GREB1L: variants seen among roughly 807,000 people sequenced by gnomAD.
GREB1L encodes the protein GREB1 like retinoic acid receptor coactivator, also known as GREB1-like protein.
In GREB1L, 17 loss-of-function variants were observed where a neutral mutation model predicts 200.8. The observed-to-expected ratio is 0.08, with a 90% confidence interval of 0.06 to 0.13. The LOEUF is 0.13. Among genes scored for constraint, GREB1L ranks in the 10% least tolerant of loss-of-function variants. GREB1L has a pLI of 1.00. For missense variants in GREB1L, 1,657 were observed against 2,367.7 expected, an observed-to-expected ratio of 0.70 and a Z score of 6.23; for synonymous variants, 789 against 893.0, an observed-to-expected ratio of 0.88 and a Z score of 2.08.
intron 1 of GREB1L, among the ~76,000 whole-genome samples, chr18:21,266,217 G>A (rs183587120): frequency 6.0e-4 from 92 of 152,172 alleles, no homozygotes; most frequent in Non-Finnish European, 1.0e-3. Flanking sequence ...AGCTGGTTAC[G>A]GTATCAAAAG....
intron 31 of GREB1L, among the ~76,000 whole-genome samples, chr18:21,518,714 A>G (rs2037510099): frequency 6.6e-6 from 1 of 152,186 alleles, no homozygotes; most frequent in African/African-American, 2.4e-5. Context: ...GAACAAATAA[A>G]TGTGTATCAC....
chr18:21,374,868 T>TC (rs1177818503), intron 2 of GREB1L, among the ~76,000 whole-genome samples: 1 of 149,994 alleles, frequency 6.7e-6, no homozygotes, highest in Non-Finnish European at 1.5e-5. Flanking sequence ...TTTTTTTTTT[T>TC]TCCACACAGG....
intron 2 of GREB1L, among the ~76,000 whole-genome samples, chr18:21,366,475 A>G (rs1286254457): frequency 6.6e-6 from 1 of 152,234 alleles, no homozygotes; most frequent in Non-Finnish European, 1.5e-5. Context: ...AGGCTTCTGC[A>G]TAAATACCCA....
intron 1 of GREB1L, among the ~76,000 whole-genome samples, chr18:21,334,453 C>G (rs1402225645): frequency 6.6e-6 from 1 of 152,022 alleles, no homozygotes; most frequent in African/African-American, 2.4e-5. Context: ...AAATAAAAGT[C>G]CAAAAAAGTT....
At chr18:21,395,186 C>T (rs1377948388) in intron 4 of GREB1L, among the ~76,000 whole-genome samples, 199 bp from the exon 5 acceptor site, 1 of 150,896 alleles carries the variant, frequency 6.6e-6, no homozygotes, top group African/African-American at 2.4e-5. Context: ...GGAAATATTT[C>T]CTTTCAATGT....
intron 2 of GREB1L, among the ~76,000 whole-genome samples, chr18:21,377,866 C>T (rs930956422): frequency 5.9e-5 from 9 of 151,592 alleles, no homozygotes; most frequent in Admixed American, 2.0e-4. Flanking sequence ...GCCGGGGTAG[C>T]GCTATTGCAC....
chr18:21,459,950 A>G (rs1187319315), intron 15 of GREB1L, among the ~76,000 whole-genome samples: 1 of 152,004 alleles, frequency 6.6e-6, no homozygotes, highest in Non-Finnish European at 1.5e-5. Flanking sequence ...CCTCAGGCAC[A>G]TTTACCCCCC....
chr18:21,385,444 T>C (rs2040500223), intron 4 of GREB1L, among the ~76,000 whole-genome samples: 1 of 125,236 alleles, frequency 8.0e-6, no homozygotes, highest in Non-Finnish European at 1.5e-5. Flanking sequence ...TGAGGAAACC[T>C]GAATAATTCT....
chr18:21,396,336 C>T (rs536816537), intron 5 of GREB1L, among the ~76,000 whole-genome samples: 140 of 152,290 alleles, frequency 9.2e-4, no homozygotes, highest in Non-Finnish European at 1.7e-3. Flanking sequence ...TGAGCCACCA[C>T]GCCCGGCCTT....
chr18:21,337,972 G>A (rs1327745379), intron 1 of GREB1L, among the ~76,000 whole-genome samples: 2 of 151,942 alleles, frequency 1.3e-5, no homozygotes, highest in African/African-American at 4.8e-5. Flanking sequence ...AGGCGACAGA[G>A]CAAGACTCCG....
chr18:21,346,145 G>A (rs933974246), intron 1 of GREB1L, among the ~76,000 whole-genome samples: 1 of 152,074 alleles, frequency 6.6e-6, no homozygotes, highest in Non-Finnish European at 1.5e-5. Flanking sequence ...AAACCTCGAC[G>A]TCCTCCTGAA....
intron 7 of GREB1L, among the ~76,000 whole-genome samples, chr18:21,411,714 A>T (rs1459898393): frequency 1.3e-5 from 2 of 152,144 alleles, no homozygotes. Flanking sequence ...TGTTCTTCAC[A>T]GTCACCTTAA....
At chr18:21,285,505 G>A (rs950641461) in intron 1 of GREB1L, among the ~76,000 whole-genome samples, 4 of 152,100 alleles carry the variant, frequency 2.6e-5, no homozygotes, top group Non-Finnish European at 4.4e-5. Context: ...TCATATCTGG[G>A]AGAGTAGTGG....
chr18:21,454,515 A>G lies in GREB1L; in HGVS notation c.2134A>G (p.Arg712Gly). The G allele has an allele frequency of 2.6e-6, 4 of 1,551,660 alleles. No homozygotes were observed. The highest frequency in any genetic ancestry group is 3.5e-6 in the Non-Finnish European group (4 of 1,146,986). ...AGTAGACTTCATCATCATTGTTCCC[A>G]GATCGGAGGTGTTGGTTCAGCAAAC... Reference protein sequence around the residue: ...SKVDFIIIVPRSEVLVQQTLQ... With the variant: ...SKVDFIIIVPGSEVLVQQTLQ... The change falls in exon 15 of 33, where the codon AGA becomes GGA. Residue 712 changes from arginine (R) to glycine (G), a missense_variant. Transcript: ENST00000424526.
chr18:21,356,572 G>A (rs1446355435), intron 1 of GREB1L, among the ~76,000 whole-genome samples: 3 of 152,048 alleles, frequency 2.0e-5, no homozygotes, highest in Non-Finnish European at 4.4e-5. Context: ...ACATACATCT[G>A]TTGATGGACA....
In GREB1L at chr18:21,449,770, C is replaced by T. The variant is rs1035683785; in HGVS notation, c.1654C>T (p.Pro552Ser). 4.4e-5 allele frequency: 69 copies of T among 1,550,608 alleles called. No individual in the cohort carries two copies. The highest frequency in any genetic ancestry group is 5.7e-5 in the Non-Finnish European group (65 of 1,146,484). ...LSEMRHYQRL[P>S]DYVVVICASK... is the part of the protein sequence containing the mutation. ...TGAAATGAGACACTATCAAAGGCTGCCAGATTATGTGGTGGTAATTTGTGC... is the reference window on the plus strand; with the variant it reads ...TGAAATGAGACACTATCAAAGGCTGTCAGATTATGTGGTGGTAATTTGTGC... The change falls in exon 12 of 33, where the codon CCA becomes TCA. Residue 552 changes from proline (P) to serine (S), a missense_variant. By Grantham distance (74) the Pro-to-Ser change is moderately conservative. Coordinates refer to ENST00000424526, the MANE Select transcript of GREB1L (RefSeq NM_001142966.3).
intron 15 of GREB1L, among the ~76,000 whole-genome samples, chr18:21,466,154 T>C (rs1454203274): frequency 6.6e-6 from 1 of 152,212 alleles, no homozygotes; most frequent in African/African-American, 2.4e-5. Context: ...TTTAGTATTC[T>C]TTTATATAAA....
intron 1 of GREB1L, among the ~76,000 whole-genome samples, chr18:21,346,290 T>A (rs2039344339): frequency 6.6e-6 from 1 of 152,106 alleles, no homozygotes; most frequent in African/African-American, 2.4e-5. Context: ...AGGACTATAG[T>A]AGGAGTTTCT....
At chr18:21,298,778 G>A (rs1374754272) in intron 1 of GREB1L, among the ~76,000 whole-genome samples, 3 of 152,050 alleles carry the variant, frequency 2.0e-5, no homozygotes, top group African/African-American at 7.2e-5. Context: ...TATGCAAAAT[G>A]TAAAAATTAG....
Sources: allele counts gnomAD v4.1 joint callset (sites outside exome capture counted in the v4.1 genomes callset), GRCh38; gene constraint gnomAD v4.1.1; transcripts MANE v1.5; gene names NCBI Gene and HGNC (gene_info 2026-07-23, HGNC 2026-07-21).